The following MMP17 variants were observed in gnomAD, a reference collection of about 807,000 sequenced individuals.
MMP17 encodes the protein matrix metalloproteinase-17.
Under a neutral mutation model 49.1 loss-of-function variants are expected in MMP17, and 54 were observed. That is an observed-to-expected ratio of 1.10 (90% CI 0.88 to 1.38). The LOEUF is 1.38. Among genes scored for constraint, MMP17 ranks in the 40% most tolerant of loss-of-function variants. MMP17 has a pLI of 0.00. For synonymous variants in MMP17, 397 were observed against 383.1 expected (o/e 1.04, Z -0.42); for missense variants, 837 against 853.7 (o/e 0.98, Z 0.24).
In MMP17 at chr12:131,840,795, C is replaced by T. The variant is rs202163178; in HGVS notation, c.645C>T (p.His215=). 64 of 1,606,520 alleles carry T rather than the reference C, an allele frequency of 4.0e-5. No individual in the cohort carries two copies. The highest frequency in any genetic ancestry group is 5.0e-5 in the Non-Finnish European group (59 of 1,179,770). ...GTVAHAFFPG[H]HHTAGDTHFD... Reference sequence around the variant, plus strand: ...TGGCCCACGCCTTCTTCCCCGGCCACCACCACACCGCCGGGGACACCCACT... The same window carrying T: ...TGGCCCACGCCTTCTTCCCCGGCCATCACCACACCGCCGGGGACACCCACT... The change falls in exon 4 of 10, where the codon CAC becomes CAT. Residue 215 remains histidine, a synonymous_variant. Transcript: ENST00000360564.
chr12:131,829,019 G>A (rs527576948), intron 1 of MMP17, among the ~76,000 whole-genome samples: 12 of 152,314 alleles, frequency 7.9e-5, no homozygotes, highest in African/African-American at 2.9e-4. Flanking sequence ...GCCGCCCCGA[G>A]CTCTGCGCGC....
At chr12:131,839,161 A>T (rs61943911) in intron 3 of MMP17, among the ~76,000 whole-genome samples, 12,779 of 152,172 alleles carry the variant, frequency 0.084, 545 homozygotes, top group Middle Eastern at 0.17. Context: ...AGTTGCTGGC[A>T]GCCCTCGATG....
intron 1 of MMP17, among the ~76,000 whole-genome samples, chr12:131,835,257 T>A (rs1887022222): frequency 6.6e-6 from 1 of 152,224 alleles, no homozygotes; most frequent in African/African-American, 2.4e-5. Context: ...CAAATTCCAG[T>A]GCCTCTGGGG....
At chr12:131,848,096 A>G (rs898279445) in intron 8 of MMP17, among the ~76,000 whole-genome samples, 1 of 151,604 alleles carries the variant, frequency 6.6e-6, no homozygotes, top group Non-Finnish European at 1.5e-5. Flanking sequence ...ATTTTACTGT[A>G]TTTTTTTGAG....
At chr12:131,838,462 G>A in intron 2 of MMP17, 135 bp downstream of exon 2, 2 of 1,450,326 alleles carry the variant, frequency 1.4e-6, no homozygotes, top group South Asian at 2.8e-5. Flanking sequence ...GTAGCTCAGA[G>A]CCTGGGGCTG....
At chr12:131,828,833 G>A (rs562610750) in intron 1 of MMP17, among the ~76,000 whole-genome samples, 180 bp downstream of exon 1, 1 of 151,908 alleles carries the variant, frequency 6.6e-6, no homozygotes, top group Non-Finnish European at 1.5e-5. Flanking sequence ...CTGAGCGACC[G>A]GGCGAGCGCA....
intron 3 of MMP17, chr12:131,840,133 G>A (rs1219717540): frequency 6.2e-6 from 1 of 160,922 alleles, no homozygotes. Context: ...CCGGATGGAC[G>A]TGAATTTGGC....
Position 131,851,123 on chromosome 12 carries a change from C to T in MMP17, c.1661C>T (p.Ser554Leu), listed in dbSNP as rs755261675. 5.1e-5 allele frequency: 81 copies of T among 1,587,480 alleles called. 3 individuals are homozygous for T. The highest frequency in any genetic ancestry group is 4.1e-4 in the South Asian group (36 of 87,694). Residue 554 changes from serine to leucine, a missense_variant, in exon 10 of 10, where the codon TCG (serine) becomes TTG (leucine). Physicochemically the swap from Ser to Leu is moderately radical, Grantham distance 145. Transcript: ENST00000360564. ...CCAGGACAACATGACCAGAGCCGCTCGGAGGACGGTTACGAGGTCTGCTCA... is the reference window on the plus strand; with the variant it reads ...CCAGGACAACATGACCAGAGCCGCTTGGAGGACGGTTACGAGGTCTGCTCA... Reference protein sequence around the residue: ...APPGQHDQSRSEDGYEVCSCT... With the variant: ...APPGQHDQSRLEDGYEVCSCT...
At chr12:131,829,040 C>G (rs1448907056) in intron 1 of MMP17, among the ~76,000 whole-genome samples, 2 of 152,162 alleles carry the variant, frequency 1.3e-5, no homozygotes, top group Admixed American at 1.3e-4. Context: ...TGCGTGCGTT[C>G]CGGGTGGGAG....
rs1887891222 is a variant in MMP17 at position 131,849,973 on chromosome 12, G to A, written c.1376G>A (p.Arg459Lys). Reference protein sequence around the residue: ...QLYWRYDDHTRHMDPGYPAQS... With the variant: ...QLYWRYDDHTKHMDPGYPAQS... ...TACTGGCGCTACGATGACCACACGA[G>A]GCACATGGACCCCGGCTACCCCGCC... The change falls in exon 9 of 10, where the codon AGG (arginine) becomes AAG (lysine). Residue 459 changes from arginine (R) to lysine (K), a missense_variant. Physicochemically the swap from Arg to Lys is conservative, Grantham distance 26 (BLOSUM62 2). Coordinates refer to ENST00000360564, the MANE Select transcript of MMP17 (RefSeq NM_016155.7). 2 of 1,613,932 alleles carry A rather than the reference G, an allele frequency of 1.2e-6. No homozygotes were observed. The highest frequency in any genetic ancestry group is 8.5e-7 in the Non-Finnish European group (1 of 1,179,998).
intron 1 of MMP17, among the ~76,000 whole-genome samples, chr12:131,837,615 C>T (rs1274587164): frequency 6.6e-6 from 1 of 152,208 alleles, no homozygotes. Context: ...TAGCATTTTG[C>T]GGTCTCAGGA....
chr12:131,845,583 G>A, intron 8 of MMP17, 134 bp downstream of exon 8: 3 of 1,215,052 alleles, frequency 2.5e-6, no homozygotes, highest in Non-Finnish European at 3.3e-6. Flanking sequence ...CAGCTGGTTT[G>A]CTTGTGCACT....
chr12:131,830,176 G>A (rs975024900), intron 1 of MMP17, among the ~76,000 whole-genome samples: 3 of 152,240 alleles, frequency 2.0e-5, no homozygotes, highest in Non-Finnish European at 2.9e-5. Context: ...CATGTTGGCT[G>A]ATCAGACCCA....
At chr12:131,830,812 C>T (rs1886753858) in intron 1 of MMP17, among the ~76,000 whole-genome samples, 1 of 152,200 alleles carries the variant, frequency 6.6e-6, no homozygotes, top group South Asian at 2.1e-4. Context: ...ATTCAGGCTG[C>T]TGGGCTGCGG....
chr12:131,841,887 G>C, intron 5 of MMP17, 87 bp downstream of exon 5: 11 of 1,401,708 alleles, frequency 7.8e-6, no homozygotes, highest in Non-Finnish European at 9.5e-6. Flanking sequence ...CCCCCGGGAG[G>C]GTTTGCTCTC....
intron 9 of MMP17, 112 bp from the exon 10 acceptor site, chr12:131,850,813 G>C (rs539804003): frequency 2.6e-6 from 2 of 762,848 alleles, no homozygotes; most frequent in African/African-American, 1.9e-5. Flanking sequence ...GGCCCGACTC[G>C]AGCCCCTTCC....
At chr12:131,831,304 C>T (rs1283025616) in intron 1 of MMP17, among the ~76,000 whole-genome samples, 3 of 152,288 alleles carry the variant, frequency 2.0e-5, no homozygotes, top group Admixed American at 6.5e-5. Flanking sequence ...GTCATCACCG[C>T]GCCCACGGCA....
Position 131,851,346 on chromosome 12 carries a change from G to C in MMP17, c.*72G>C, listed in dbSNP as rs561631467. The stretch of plus-strand genomic sequence containing the variant: ...GCCACAGAGGGCAAGGACTGTGCCG[G>C]AGTCCCTGGGGGAGGTGCTGGCGCG... On this transcript the variant is annotated 3_prime_UTR_variant, in exon 10 of 10. Transcript: ENST00000360564. The C allele has an allele frequency of 3.7e-5, 48 of 1,281,302 alleles. No individual in the cohort carries two copies. The African/African-American group carries it at 6.5e-4, about 17-fold the overall frequency. The allele number at this position is 1,281,302 out of a possible 1,614,324, so 79.4% of individuals were successfully genotyped here. A position where few individuals can be genotyped will look rare whatever the true frequency, so the allele number is the denominator to read the frequency against.
rs1038235344 is a variant in MMP17 at position 131,843,974 on chromosome 12, GTCC to G, written c.884-15_884-13del. 1.1e-5 allele frequency: 17 copies of G among 1,524,386 alleles called. No individual in the cohort carries two copies. The Admixed American group carries it at 1.5e-4, about 13-fold the overall frequency. 94.4% of individuals were successfully genotyped at this position (1,524,386 alleles called of 1,614,324 possible). On this transcript the variant is annotated intron_variant, in intron 5 of 9. Transcript: ENST00000360564. Reference sequence around the variant, plus strand: ...AGGCGGGCGTCGGGGGTTTGAGGCCGTCCTCCTCCTTGTCTCCCGCAGGTGTGC... The same window carrying G: ...AGGCGGGCGTCGGGGGTTTGAGGCCGTCCTCCTTGTCTCCCGCAGGTGTGC...
Sources: allele counts gnomAD v4.1 joint callset (sites outside exome capture counted in the v4.1 genomes callset), GRCh38; gene constraint gnomAD v4.1.1; transcripts MANE v1.5; gene names NCBI Gene and HGNC (gene_info 2026-07-23, HGNC 2026-07-21).